RNF135: variants seen among roughly 807,000 people sequenced by gnomAD.
RNF135 encodes the protein ring finger protein 135.
Under a neutral mutation model 41.9 loss-of-function variants are expected in RNF135, and 46 were observed. The observed-to-expected ratio is 1.10, with a 90% CI of 0.87 to 1.40. The LOEUF (loss-of-function observed/expected upper bound fraction) is 1.40, where lower values mean the gene tolerates loss of function less well. Ranked by LOEUF, RNF135 falls within the 40% of genes most tolerant of loss-of-function variation. RNF135 has a pLI of 0.00. For missense variants in RNF135, 539 were observed against 549.8 expected (o/e 0.98, Z 0.20); for synonymous variants, 238 against 223.8 (o/e 1.06, Z -0.57).
intron 3 of RNF135, among the ~76,000 whole-genome samples, chr17:30,992,575 C>T (rs1484220701): frequency 6.6e-6 from 1 of 152,018 alleles, no homozygotes; most frequent in Non-Finnish European, 1.5e-5. Flanking sequence ...AAGTGATCCT[C>T]CCTCCTTAGC....
rs111227622 is a variant in RNF135 at position 30,983,600 on chromosome 17, C to T, written c.373-1017C>T. Among the ~76,000 whole-genome samples the T allele has an allele frequency of 6.8e-3, 1,035 of 151,180 alleles. 11 individuals are homozygous for T. The highest frequency in any genetic ancestry group is 0.024 in the African/African-American group (986 of 41,264). On this transcript the variant is annotated intron_variant, in intron 1 of 4. Transcript: ENST00000328381. ...AACTCTTGACCTCAGGTGATCCACCCGCCTCGGCCTCCCAAAGTGCTGGGA... is the reference window on the plus strand; with the variant it reads ...AACTCTTGACCTCAGGTGATCCACCTGCCTCGGCCTCCCAAAGTGCTGGGA...
At chr17:30,996,934 C>G (rs1908388775) in intron 3 of RNF135, among the ~76,000 whole-genome samples, 1 of 152,142 alleles carries the variant, frequency 6.6e-6, no homozygotes, top group African/African-American at 2.4e-5. Flanking sequence ...CATGAGTGTG[C>G]ATAAAACACC....
At chr17:30,987,888 T>C in intron 2 of RNF135, 56 bp from the exon 3 acceptor site, 4 of 1,477,292 alleles carry the variant, frequency 2.7e-6, no homozygotes, top group Non-Finnish European at 3.8e-6. Context: ...AATATAATAG[T>C]TGATAGACTG....
chr17:30,995,232 A>G (rs2142731636), intron 3 of RNF135, among the ~76,000 whole-genome samples: 2 of 152,112 alleles, frequency 1.3e-5, no homozygotes, highest in East Asian at 3.9e-4. Context: ...CTAAAAATAC[A>G]AAAAAATTAG....
rs556054531 is a variant in RNF135, at chr17:30,976,066, C to T, written c.372+4621C>T. The T allele has an allele frequency of 1.2e-4, 27 of 219,280 alleles. No individual in the cohort carries two copies. The South Asian group carries it at 1.9e-3, about 15-fold the overall frequency. The allele number at this position is 219,280 out of a possible 1,614,324, so 13.6% of individuals were successfully genotyped here. ...CTGTTGCCAGACTGGAGTGCGGTGGCGTGATCTCTGCTCACTGCAACCTCC... is the reference window on the plus strand; with the variant it reads ...CTGTTGCCAGACTGGAGTGCGGTGGTGTGATCTCTGCTCACTGCAACCTCC... On this transcript the variant is annotated intron_variant, in intron 1 of 4. Coordinates refer to ENST00000328381, the MANE Select transcript of RNF135 (RefSeq NM_032322.4).
At chr17:30,983,183 C>T (rs1209877317) in intron 1 of RNF135, among the ~76,000 whole-genome samples, 1 of 151,280 alleles carries the variant, frequency 6.6e-6, no homozygotes, top group East Asian at 1.9e-4. Context: ...ACTTGGGTTG[C>T]TTCCATGTTT....
chr17:30,980,584 G>C (rs1907046012), intron 1 of RNF135, among the ~76,000 whole-genome samples: 1 of 140,816 alleles, frequency 7.1e-6, no homozygotes, highest in Non-Finnish European at 1.6e-5. Context: ...TTGCCGGACG[G>C]AGGGGCTCCT....
the RNF135 span, among the ~76,000 whole-genome samples, chr17:30,965,667 A>T: frequency 2.0e-5 from 3 of 152,024 alleles, no homozygotes. Context: ...AAAGAGTTTA[A>T]TTAACATTAA....
At chr17:30,986,020 G>T (rs1419568340) in intron 2 of RNF135, among the ~76,000 whole-genome samples, 1 of 152,188 alleles carries the variant, frequency 6.6e-6, no homozygotes, top group East Asian at 1.9e-4. Context: ...TCTTCAGAAA[G>T]AAGCCTTCAA....
the RNF135 span, among the ~76,000 whole-genome samples, chr17:30,964,658 A>G: frequency 6.6e-6 from 1 of 151,642 alleles, no homozygotes. Flanking sequence ...CATCCAGCAC[A>G]CAAACTCAAG....
In RNF135 at chr17:30,998,901, G is replaced by A. The variant is rs148682566; in HGVS notation, c.1009G>A (p.Asp337Asn). The A allele has an allele frequency of 4.7e-4, 755 of 1,611,650 alleles. 1 individual carries two copies. Among genetic ancestry groups the A allele is most frequent in the Non-Finnish European group, 6.2e-4 (725 of 1,178,386 alleles). Residue 337 changes from aspartate to asparagine, a missense_variant, in exon 5 of 5, where the codon GAC becomes AAC. Asp to Asn is a conservative substitution (Grantham distance 23). This residue lies in a region of RNF135 where 262 missense variants were observed against 336.9 expected (regional missense o/e 0.78). Coordinates refer to ENST00000328381, the MANE Select transcript of RNF135 (RefSeq NM_032322.4). ...VGVASWEMSR[D>N]QVLGRTMDSC... is the part of the protein sequence containing the mutation. ...GGTGGCTTCCTGGGAGATGAGCCGCGACCAGGTCCTGGGAAGGACTATGGA... is the reference window on the plus strand; with the variant it reads ...GGTGGCTTCCTGGGAGATGAGCCGCAACCAGGTCCTGGGAAGGACTATGGA...
chr17:30,988,661 T>C (rs1044085304), intron 3 of RNF135, among the ~76,000 whole-genome samples: 24 of 151,720 alleles, frequency 1.6e-4, no homozygotes, highest in Admixed American at 1.2e-3. Flanking sequence ...CTCCTGACCT[T>C]GTGATCTGCC....
chr17:30,958,934 C>T, the RNF135 span: 2 of 152,030 alleles, frequency 1.3e-5, no homozygotes, highest in African/African-American at 2.4e-5. Context: ...CCTTTGGATC[C>T]CCCAATCAAA....
intron 3 of RNF135, among the ~76,000 whole-genome samples, chr17:30,989,255 C>G (rs954682935): frequency 2.0e-5 from 3 of 151,918 alleles, no homozygotes; most frequent in Non-Finnish European, 2.9e-5. Flanking sequence ...GTAGTCCCAG[C>G]TACTCTGTAG....
At chr17:30,975,732 T>G (rs1906387544) in intron 1 of RNF135, 9 of 1,373,502 alleles carry the variant, frequency 6.6e-6, no homozygotes, top group Non-Finnish European at 9.3e-6. Context: ...ACTGCTCACC[T>G]GATTGGCCTG....
chr17:30,974,855 T>C (rs1223803003), intron 1 of RNF135, among the ~76,000 whole-genome samples: 1 of 151,998 alleles, frequency 6.6e-6, no homozygotes, highest in African/African-American at 2.4e-5. Context: ...ATTTTTATAT[T>C]TTTGTAGAGA....
rs549186601 is a variant in RNF135 at position 30,988,576 on chromosome 17, C to T, written c.679+470C>T. 4.2e-4 allele frequency among the ~76,000 whole-genome samples: 63 copies of T among 151,016 alleles called. 1 individual carries two copies. The South Asian group carries it at 6.1e-3, about 15-fold the overall frequency. On this transcript the variant is annotated intron_variant, in intron 3 of 4. Transcript: ENST00000328381. ...CCCAGTAGCTGGGACTACAGGTGCC[C>T]GCCACCATGCTGGCTAATTTTTTGT...
intron 3 of RNF135, among the ~76,000 whole-genome samples, chr17:30,990,792 C>T (rs1342661166): frequency 6.6e-6 from 1 of 152,054 alleles, no homozygotes; most frequent in Admixed American, 6.6e-5. Context: ...TTTTATAGTA[C>T]AGTAGTTAGG....
chr17:30,969,759 C>CTTTTTTTTTTTTTTTTTTT (rs757330088), upstream of RNF135, among the ~76,000 whole-genome samples: 34 of 122,610 alleles, frequency 2.8e-4, no homozygotes, highest in East Asian at 4.8e-4. Context: ...TCTTTTTTTT[C>CTTTTTTTTTTTTTTTTTTT]TTTTTTTTTT....
Sources: gnomAD v4.1 joint callset for allele counts (sites outside exome capture counted in the v4.1 genomes callset) on GRCh38, gnomAD v4.1.1 for gene constraint, gnomAD v4.1.1 regional missense constraint, MANE v1.5 for transcripts, NCBI Gene and HGNC (gene_info 2026-07-23, HGNC 2026-07-21) for gene names.